DLGAP1: variants seen among roughly 807,000 people sequenced by gnomAD.
DLGAP1 encodes disks large-associated protein 1.
DLGAP1 carries 11 observed loss-of-function variants against 90.8 expected under a neutral mutation model. That is an observed-to-expected ratio of 0.12 (90% CI 0.08 to 0.20). The LOEUF is 0.20. Among genes scored for constraint, DLGAP1 ranks in the 10% least tolerant of loss-of-function variants. The pLI, the probability that DLGAP1 is intolerant of heterozygous loss-of-function variation, is 1.00. For missense variants in DLGAP1, 1,050 were observed against 1,333.8 expected (o/e 0.79, Z 3.31); for synonymous variants, 558 against 540.7 (o/e 1.03, Z -0.44).
intron 7 of DLGAP1, among the ~76,000 whole-genome samples, chr18:3,685,539 G>A (rs2060668084): frequency 7.2e-6 from 1 of 138,650 alleles, no homozygotes; most frequent in Non-Finnish European, 1.5e-5. Flanking sequence ...ACTCCAGCCT[G>A]GGCGACAGAG....
At chr18:3,907,630 A>C (rs947641281) in intron 3 of DLGAP1, among the ~76,000 whole-genome samples, 2 of 152,220 alleles carry the variant, frequency 1.3e-5, no homozygotes, top group African/African-American at 4.8e-5. Context: ...ATTCCCCAGC[A>C]GTTGTAAACA....
intron 1 of DLGAP1, among the ~76,000 whole-genome samples, chr18:4,437,596 A>C (rs1338672980): frequency 1.3e-5 from 2 of 152,200 alleles, no homozygotes; most frequent in South Asian, 4.1e-4. Flanking sequence ...TACAGATGCA[A>C]ATTTGTTTTT....
At chr18:3,793,520 A>G (rs2065842781) in intron 5 of DLGAP1, among the ~76,000 whole-genome samples, 1 of 152,054 alleles carries the variant, frequency 6.6e-6, no homozygotes, top group African/African-American at 2.4e-5. Context: ...TTCTTGATAG[A>G]GCAGCCAGAT....
chr18:4,155,628 T>C (rs1013095332), intron 1 of DLGAP1, among the ~76,000 whole-genome samples: 1 of 152,180 alleles, frequency 6.6e-6, no homozygotes, highest in African/African-American at 2.4e-5. Flanking sequence ...TATATGTATA[T>C]TAAAAGATAT....
At chr18:3,525,359 AC>A (rs2051547030) in intron 10 of DLGAP1, among the ~76,000 whole-genome samples, 1 of 152,156 alleles carries the variant, frequency 6.6e-6, no homozygotes, top group African/African-American at 2.4e-5. Context: ...AATGAAAAAA[AC>A]TGTATATTTT....
intron 7 of DLGAP1, among the ~76,000 whole-genome samples, chr18:3,620,400 C>G (rs560609041): frequency 3.3e-5 from 5 of 152,192 alleles, no homozygotes; most frequent in South Asian, 2.1e-4. Flanking sequence ...CCTGCCGACC[C>G]ATTTCTGACT....
chr18:3,771,101 T>C (rs1445311683), intron 5 of DLGAP1: 3 of 152,204 alleles, frequency 2.0e-5, no homozygotes, highest in Admixed American at 2.0e-4. Flanking sequence ...GCTAGCAATA[T>C]AAGCTATTCG....
At chr18:3,643,956 T>C (rs1355058183) in intron 7 of DLGAP1, among the ~76,000 whole-genome samples, 1 of 152,210 alleles carries the variant, frequency 6.6e-6, no homozygotes, top group Admixed American at 6.5e-5. Flanking sequence ...TAATTAGTGC[T>C]CACCCATATT....
At chr18:3,563,612 G>C (rs2054270862) in intron 9 of DLGAP1, among the ~76,000 whole-genome samples, 1 of 152,036 alleles carries the variant, frequency 6.6e-6, no homozygotes, top group African/African-American at 2.4e-5. Flanking sequence ...TGGGATTACA[G>C]GCATGCACCA....
At chr18:4,298,101 T>C (rs998010708) in intron 1 of DLGAP1, among the ~76,000 whole-genome samples, 3 of 152,112 alleles carry the variant, frequency 2.0e-5, no homozygotes, top group South Asian at 4.1e-4. Context: ...AGTTCAGTTA[T>C]ATGCGGGCGA....
At chr18:3,602,855 C>G (rs1281487767) in intron 7 of DLGAP1, 1 of 152,134 alleles carries the variant, frequency 6.6e-6, no homozygotes, top group African/African-American at 2.4e-5. Context: ...ATAAATACTG[C>G]AAATCGACTA....
At chr18:3,764,370 G>A (rs1177036988) in intron 5 of DLGAP1, among the ~76,000 whole-genome samples, 1 of 152,200 alleles carries the variant, frequency 6.6e-6, no homozygotes, top group East Asian at 1.9e-4. Context: ...TCAGTGATCA[G>A]TGAGTTGGCT....
chr18:3,856,988 A>G lies in DLGAP1; in HGVS notation c.957+22124T>C, dbSNP rs1182492645. On this transcript the variant is annotated intron_variant, in intron 4 of 12. Coordinates refer to ENST00000315677, the MANE Select transcript of DLGAP1 (RefSeq NM_004746.4). The stretch of plus-strand genomic sequence containing the variant: ...AATTATTTATAATATAAAGAAATAC[A>G]GCTGATTATTTAGTATAATGCTACA... Among the ~76,000 whole-genome samples, 5 of 152,188 alleles carry G rather than the reference A, an allele frequency of 3.3e-5. No individual in the cohort carries two copies. In the East Asian group the frequency reaches 9.6e-4, roughly 29 times the overall value.
chr18:4,068,677 C>A (rs1335607404), intron 2 of DLGAP1, among the ~76,000 whole-genome samples: 4 of 152,108 alleles, frequency 2.6e-5, no homozygotes, highest in African/African-American at 9.7e-5. Context: ...GAAGAGAAAT[C>A]ATTATTTTTG....
At position 4,343,499 on chromosome 18, in the gene DLGAP1, T is replaced by C. The variant is rs1045792451; in HGVS notation, c.-267+111507A>G. On this transcript the variant is annotated intron_variant, in intron 1 of 12. Transcript: ENST00000315677. ...TGGGTCAGCAGTTTAAAGTTATAAATAAGGGTAAAACAGCCAAACTCTGAT... is the reference window on the plus strand; with the variant it reads ...TGGGTCAGCAGTTTAAAGTTATAAACAAGGGTAAAACAGCCAAACTCTGAT... Among the ~76,000 whole-genome samples, 18 of 152,176 alleles carry C rather than the reference T, an allele frequency of 1.2e-4. No individual in the cohort carries two copies. In the East Asian group the frequency reaches 2.7e-3, roughly 23 times the overall value.
At chr18:4,192,387 G>A (rs2077418421) in intron 1 of DLGAP1, among the ~76,000 whole-genome samples, 1 of 152,158 alleles carries the variant, frequency 6.6e-6, no homozygotes, top group Admixed American at 6.5e-5. Flanking sequence ...ATTTGATAAC[G>A]ACTGCAACTC....
At chr18:3,514,231 C>G (rs767811239) in intron 10 of DLGAP1, among the ~76,000 whole-genome samples, 1 of 152,062 alleles carries the variant, frequency 6.6e-6, no homozygotes, top group Non-Finnish European at 1.5e-5. Context: ...CTCAGCCTCC[C>G]GAGTAGCTGG....
chr18:4,235,483 GAA>G (rs1181082304), intron 1 of DLGAP1, among the ~76,000 whole-genome samples: 3 of 152,014 alleles, frequency 2.0e-5, no homozygotes, highest in Non-Finnish European at 4.4e-5. Flanking sequence ...TATAATCCAT[GAA>G]ATTATCTAAG....
At chr18:3,709,688 T>A (rs1237725236) in intron 7 of DLGAP1, among the ~76,000 whole-genome samples, 1 of 152,068 alleles carries the variant, frequency 6.6e-6, no homozygotes, top group Non-Finnish European at 1.5e-5. Context: ...AAAAAGTAGG[T>A]TTCCATGCAA....
Sources: allele counts gnomAD v4.1 joint callset (sites outside exome capture counted in the v4.1 genomes callset), GRCh38; gene constraint gnomAD v4.1.1; transcripts MANE v1.5; gene names NCBI Gene and HGNC (gene_info 2026-07-23, HGNC 2026-07-21).